STPG2: variants seen among roughly 807,000 people sequenced by gnomAD.
The protein encoded by STPG2 is sperm-tail PG-rich repeat-containing protein 2.
In STPG2, 56 loss-of-function variants were observed where a neutral mutation model predicts 54.2. That is an observed-to-expected ratio of 1.03 (90% CI 0.83 to 1.29). The LOEUF (loss-of-function observed/expected upper bound fraction) is 1.29. STPG2 is among the 50% of genes most tolerant of loss of function. STPG2 has a pLI of 0.00. For synonymous variants in STPG2, 200 were observed against 181.8 expected, an observed-to-expected ratio of 1.10 and a Z score of -0.81; for missense variants, 596 against 544.9, an observed-to-expected ratio of 1.09 and a Z score of -0.93.
intron 4 of STPG2, among the ~76,000 whole-genome samples, chr4:97,474,145 T>C (rs1417051716): frequency 6.6e-6 from 1 of 152,062 alleles, no homozygotes; most frequent in African/African-American, 2.4e-5. Flanking sequence ...ACTACTATGG[T>C]CTAGGATGTT....
At chr4:97,519,485 G>A (rs1731138697) in intron 4 of STPG2, among the ~76,000 whole-genome samples, 1 of 151,986 alleles carries the variant, frequency 6.6e-6, no homozygotes, top group Non-Finnish European at 1.5e-5. Context: ...TGGAAGGACT[G>A]CCAAATTTCC....
At chr4:97,737,257 T>G (rs6419141) in intron 9 of STPG2, among the ~76,000 whole-genome samples, 2 of 152,004 alleles carry the variant, frequency 1.3e-5, no homozygotes, top group Non-Finnish European at 1.5e-5. Context: ...CACAAAGATG[T>G]GGAAAAAACA....
At chr4:97,492,250 G>GT in intron 4 of STPG2, among the ~76,000 whole-genome samples, 2 of 151,498 alleles carry the variant, frequency 1.3e-5, no homozygotes, top group East Asian at 3.9e-4. Context: ...AATTGTAAAT[G>GT]TTTTTTTCTG....
At chr4:97,828,774 G>A (rs185167743) in intron 9 of STPG2, among the ~76,000 whole-genome samples, 44 of 152,268 alleles carry the variant, frequency 2.9e-4, no homozygotes, top group African/African-American at 8.9e-4. Flanking sequence ...AACGAAGTTC[G>A]AACTGGGTGG....
intron 10 of STPG2, among the ~76,000 whole-genome samples, chr4:97,688,389 C>T (rs563979799): frequency 6.6e-6 from 1 of 152,108 alleles, no homozygotes; most frequent in African/African-American, 2.4e-5. Context: ...TGTTTTGAGA[C>T]AGAGTCTGGC....
intron 10 of STPG2, among the ~76,000 whole-genome samples, chr4:97,563,455 T>C (rs1211285986): frequency 2.6e-5 from 4 of 152,096 alleles, no homozygotes; most frequent in Admixed American, 6.6e-5. Flanking sequence ...CTGCTCTGAT[T>C]TTAGTTATTT....
At chr4:98,085,029 C>G (rs1232048683) in intron 5 of STPG2, among the ~76,000 whole-genome samples, 3 of 151,892 alleles carry the variant, frequency 2.0e-5, no homozygotes, top group Admixed American at 6.6e-5. Context: ...ATTTTCTTAC[C>G]CCAAAATTGT....
intron 8 of STPG2, among the ~76,000 whole-genome samples, chr4:97,915,119 T>G (rs1454317016): frequency 6.6e-6 from 1 of 152,214 alleles, no homozygotes; most frequent in Non-Finnish European, 1.5e-5. Context: ...AGTTTAAGAC[T>G]TACAGGTAAT....
intron 10 of STPG2, among the ~76,000 whole-genome samples, chr4:97,665,896 C>T (rs182486491): frequency 6.6e-6 from 1 of 152,276 alleles, no homozygotes; most frequent in African/African-American, 2.4e-5. Flanking sequence ...TGCCCAGGCT[C>T]AGCCTCAACT....
chr4:97,845,394 C>A (rs1368596080), intron 8 of STPG2, among the ~76,000 whole-genome samples: 2 of 151,944 alleles, frequency 1.3e-5, no homozygotes, highest in East Asian at 3.9e-4. Flanking sequence ...GTGGTTTATT[C>A]TATTCGATCT....
At chr4:97,759,259 T>C (rs1013203502) in intron 9 of STPG2, among the ~76,000 whole-genome samples, 3 of 152,014 alleles carry the variant, frequency 2.0e-5, no homozygotes, top group Non-Finnish European at 4.4e-5. Context: ...AACACAAAAA[T>C]TGGGAGGACA....
chr4:97,501,153 C>T (rs1247947391), intron 4 of STPG2, among the ~76,000 whole-genome samples: 1 of 151,914 alleles, frequency 6.6e-6, no homozygotes, highest in African/African-American at 2.4e-5. Flanking sequence ...TGAATACTAC[C>T]AAATACACAA....
At chr4:98,079,625 T>C (rs932515576) in intron 5 of STPG2, among the ~76,000 whole-genome samples, 1 of 152,166 alleles carries the variant, frequency 6.6e-6, no homozygotes, top group Non-Finnish European at 1.5e-5. Flanking sequence ...TTAGATTGTC[T>C]TTAAAAATAA....
At chr4:98,037,893 G>C (rs1736823413) in intron 5 of STPG2, among the ~76,000 whole-genome samples, 1 of 151,996 alleles carries the variant, frequency 6.6e-6, no homozygotes, top group African/African-American at 2.4e-5. Context: ...TAACAAATAT[G>C]TACAAGACCT....
chr4:97,543,148 TA>T (rs1487773501), intron 4 of STPG2, among the ~76,000 whole-genome samples: 2 of 150,496 alleles, frequency 1.3e-5, no homozygotes, highest in African/African-American at 2.4e-5. Context: ...TAAATAATAA[TA>T]AAAAAATAAA....
chr4:97,979,101 A>G lies in STPG2; in HGVS notation c.772+2058T>C, dbSNP rs77785983. The stretch of plus-strand genomic sequence containing the variant: ...TGTAACTGTGGCTTTTGTCTAGTGG[A>G]TTTGATTATAAATTAAAACAATAAG... On this transcript the variant is annotated intron_variant, in intron 6 of 10. Coordinates refer to ENST00000295268, the MANE Select transcript of STPG2 (RefSeq NM_174952.3). Among the ~76,000 whole-genome samples, 82 of 152,362 alleles carry G rather than the reference A, an allele frequency of 5.4e-4. 2 individuals are homozygous for G. The East Asian group carries it at 0.013, about 24-fold the overall frequency.
chr4:97,636,721 A>C (rs1235700692), intron 10 of STPG2, among the ~76,000 whole-genome samples: 17 of 151,920 alleles, frequency 1.1e-4, no homozygotes, highest in African/African-American at 2.2e-4. Flanking sequence ...CACCTCTACG[A>C]AAATAAACTA....
chr4:97,485,645 C>T (rs571055911), intron 4 of STPG2, among the ~76,000 whole-genome samples: 1 of 151,742 alleles, frequency 6.6e-6, no homozygotes, highest in Non-Finnish European at 1.5e-5. Context: ...AAGCAATCTA[C>T]AAATTCAAAG....
At chr4:98,062,459 T>C (rs182584197) in intron 5 of STPG2, among the ~76,000 whole-genome samples, 3 of 151,816 alleles carry the variant, frequency 2.0e-5, no homozygotes, top group African/African-American at 7.2e-5. Context: ...AAAAGTTGTA[T>C]AAAAAAACAA....
Sources: allele counts gnomAD v4.1 joint callset (sites outside exome capture counted in the v4.1 genomes callset), GRCh38; gene constraint gnomAD v4.1.1; transcripts MANE v1.5; gene names NCBI Gene and HGNC (gene_info 2026-07-23, HGNC 2026-07-21).